MAML3: variants seen among roughly 807,000 people sequenced by gnomAD.
The protein encoded by MAML3 is mastermind-like protein 3.
In MAML3, 27 loss-of-function variants were observed where a neutral mutation model predicts 101.9. That is an observed-to-expected ratio of 0.27 (90% CI 0.20 to 0.37). The LOEUF is 0.37. Ranked by LOEUF, MAML3 falls within the 10% of genes least tolerant of loss-of-function variation. The probability of loss-of-function intolerance (pLI) is 1.00; values close to 1 mark genes in which losing one functional copy is unlikely to be tolerated. For synonymous variants in MAML3, 501 were observed against 555.9 expected, an observed-to-expected ratio of 0.90 and a Z score of 1.39; for missense variants, 1,316 against 1,444.9, an observed-to-expected ratio of 0.91 and a Z score of 1.45.
intron 1 of MAML3, among the ~76,000 whole-genome samples, chr4:140,053,601 C>A (rs1727304669): frequency 1.3e-5 from 2 of 152,102 alleles, no homozygotes; most frequent in South Asian, 4.1e-4. Flanking sequence ...CATGCATGCA[C>A]ATATTTATTT....
chr4:139,730,371 G>A, intron 3 of MAML3, 45 bp downstream of exon 3: 1 of 1,523,470 alleles, frequency 6.6e-7, no homozygotes, highest in Non-Finnish European at 8.9e-7. Context: ...TGCTGAATAA[G>A]TGCTTGCTGA....
At chr4:140,069,719 AAAG>A (rs1046572285) in intron 1 of MAML3, among the ~76,000 whole-genome samples, 2 of 152,020 alleles carry the variant, frequency 1.3e-5, no homozygotes, top group Non-Finnish European at 2.9e-5. Flanking sequence ...AAGAAAGAAG[AAAG>A]AAGAAGGAGC....
At chr4:140,069,410 G>T (rs1560883574) in intron 1 of MAML3, among the ~76,000 whole-genome samples, 1 of 106,586 alleles carries the variant, frequency 9.4e-6, no homozygotes, top group East Asian at 2.6e-4. Context: ...AGGAGGAGGA[G>T]GAGGAGGAGG....
At chr4:139,756,579 G>T (rs17050895) in intron 2 of MAML3, among the ~76,000 whole-genome samples, 29,069 of 152,158 alleles carry the variant, frequency 0.19, 2,942 homozygotes, top group African/African-American at 0.22. Flanking sequence ...GGAGAAGTTG[G>T]TGTGCAAATT....
At chr4:139,749,735 A>G (rs1729442160) in intron 2 of MAML3, among the ~76,000 whole-genome samples, 1 of 152,218 alleles carries the variant, frequency 6.6e-6, no homozygotes, top group Non-Finnish European at 1.5e-5. Context: ...GTTGCCACTC[A>G]AGTGTGGTAC....
intron 2 of MAML3, among the ~76,000 whole-genome samples, chr4:139,808,717 T>C (rs1730742509): frequency 2.0e-5 from 3 of 152,182 alleles, no homozygotes; most frequent in African/African-American, 4.8e-5. Context: ...CCTCCCAAAC[T>C]GTACTCAGAA....
At chr4:140,005,762 T>A (rs1278586932) in intron 1 of MAML3, among the ~76,000 whole-genome samples, 2 of 152,130 alleles carry the variant, frequency 1.3e-5, no homozygotes, top group Admixed American at 6.5e-5. Flanking sequence ...TTTCATAGGT[T>A]TTTGAAAAAA....
intron 1 of MAML3, among the ~76,000 whole-genome samples, chr4:139,986,665 C>G (rs1482728882): frequency 1.5e-5 from 2 of 131,294 alleles, no homozygotes; most frequent in East Asian, 1.9e-4. Flanking sequence ...AATCATGAAT[C>G]TCTACAAAAA....
rs148573909 is a variant in MAML3, at chr4:140,149,647, T to C, written c.468+3213A>G. Among the ~76,000 whole-genome samples the C allele has an allele frequency of 2.1e-3, 322 of 152,318 alleles. 2 individuals carry two copies. The highest frequency in any genetic ancestry group is 6.4e-3 in the African/African-American group (264 of 41,566). On this transcript the variant is annotated intron_variant, in intron 1 of 4. Transcript: ENST00000509479. ...AACAGTAAAGAATCCTATTCATCTT[T>C]ATTTTTATATCACCGTTATTATTAT...
intron 1 of MAML3, among the ~76,000 whole-genome samples, chr4:139,904,430 C>T (rs935923807): frequency 2.0e-5 from 3 of 152,200 alleles, no homozygotes; most frequent in East Asian, 1.9e-4. Flanking sequence ...GGACACGCTA[C>T]TGAACAAAAG....
At chr4:139,830,462 T>C (rs1203312495) in intron 2 of MAML3, among the ~76,000 whole-genome samples, 1 of 145,060 alleles carries the variant, frequency 6.9e-6, no homozygotes, top group Non-Finnish European at 1.5e-5. Flanking sequence ...TCACCCAGGC[T>C]GGAGTGCAGT....
At chr4:140,098,024 A>G (rs1200419987) in intron 1 of MAML3, among the ~76,000 whole-genome samples, 6 of 152,244 alleles carry the variant, frequency 3.9e-5, no homozygotes, top group Non-Finnish European at 1.5e-5. Context: ...ACGAAGTATT[A>G]GAATAGAGAG....
At chr4:140,008,759 T>C (rs1446618916) in intron 1 of MAML3, among the ~76,000 whole-genome samples, 1 of 152,196 alleles carries the variant, frequency 6.6e-6, no homozygotes, top group Admixed American at 6.5e-5. Flanking sequence ...ACAACCTTTA[T>C]ACACGCGCAC....
intron 2 of MAML3, among the ~76,000 whole-genome samples, chr4:139,875,823 C>T (rs965832096): frequency 2.0e-5 from 3 of 147,834 alleles, no homozygotes; most frequent in African/African-American, 5.0e-5. Flanking sequence ...CCTGGCCAGG[C>T]GGAGGGCACT....
At chr4:139,850,544 T>C (rs1160915494) in intron 2 of MAML3, among the ~76,000 whole-genome samples, 1 of 152,136 alleles carries the variant, frequency 6.6e-6, no homozygotes, top group Non-Finnish European at 1.5e-5. Flanking sequence ...ATTCTTCTTT[T>C]TTTTTTTGAG....
chr4:140,066,011 G>A (rs1285800425), intron 1 of MAML3, among the ~76,000 whole-genome samples: 1 of 152,184 alleles, frequency 6.6e-6, no homozygotes, highest in African/African-American at 2.4e-5. Context: ...TCTGATATGT[G>A]CAACTGGTGT....
chr4:140,147,292 CTGAA>C (rs1263097751), intron 1 of MAML3, among the ~76,000 whole-genome samples: 4 of 152,100 alleles, frequency 2.6e-5, no homozygotes, highest in Non-Finnish European at 4.4e-5. Context: ...ACCAATGCTG[CTGAA>C]TGAATGAATG....
intron 1 of MAML3, among the ~76,000 whole-genome samples, chr4:140,130,874 C>T (rs1433119749): frequency 2.6e-5 from 4 of 152,102 alleles, no homozygotes; most frequent in Non-Finnish European, 4.4e-5. Context: ...CACCACCCAG[C>T]GCTGGCCACT....
At chr4:139,971,635 A>G (rs181867556) in intron 1 of MAML3, among the ~76,000 whole-genome samples, 1 of 151,980 alleles carries the variant, frequency 6.6e-6, no homozygotes, top group Admixed American at 6.5e-5. Flanking sequence ...AATAATTTTA[A>G]TTTTTTTTCT....
Sources: gnomAD v4.1 joint callset for allele counts (sites outside exome capture counted in the v4.1 genomes callset) on GRCh38, gnomAD v4.1.1 for gene constraint, MANE v1.5 for transcripts, NCBI Gene and HGNC (gene_info 2026-07-23, HGNC 2026-07-21) for gene names.